COL7A1: variants seen among roughly 807,000 people sequenced by gnomAD.
COL7A1 encodes collagen alpha-1(VII) chain.
In COL7A1, 296 loss-of-function variants were observed where a neutral mutation model predicts 456.2. The ratio of observed to expected loss-of-function variants is 0.65; its 90% CI spans 0.59 to 0.71. The LOEUF is 0.71. COL7A1 is among the 30% of genes least tolerant of loss of function. The pLI, the probability that COL7A1 is intolerant of heterozygous loss-of-function variation, is 0.00. For synonymous variants in COL7A1, 1,464 were observed against 1,525.9 expected, an observed-to-expected ratio of 0.96 and a Z score of 0.95; for missense variants, 3,441 against 4,017.2, an observed-to-expected ratio of 0.86 and a Z score of 3.88.
Position 48,566,316 on chromosome 3 carries a change from C to A in COL7A1, c.8359-1G>T. On this transcript the variant is annotated splice_acceptor_variant, in intron 113 of 118. Coordinates refer to ENST00000681320, the MANE Select transcript of COL7A1 (RefSeq NM_000094.4). LOFTEE classifies it high-confidence loss of function. The surrounding 1 kb of genome is among the most constrained non-coding windows in gnomAD (Gnocchi z 5.9). ...GCACAAAGCCCCGGATGTCATCCTC[C>A]TGGGAGCAGAAGACCACAGGGACCA... 6.2e-7 allele frequency: 1 copy of A among 1,604,960 alleles called. No individual in the cohort carries two copies. Among genetic ancestry groups the A allele is most frequent in the Non-Finnish European group, 8.5e-7 (1 of 1,176,246 alleles).
In COL7A1 at chr3:48,588,372, G is replaced by A; in HGVS notation, c.2620C>T (p.His874Tyr). 6.2e-7 allele frequency: 1 copy of A among 1,612,058 alleles called. No individual in the cohort carries two copies. Among genetic ancestry groups the A allele is most frequent in the Non-Finnish European group, 8.5e-7 (1 of 1,179,898 alleles). ...GAGTGCTCCCCGCGCTGCACCACGT[G>A]AAGCGTCCCCAGGGCTGGCGGAGCC... is the stretch of plus-strand genomic sequence containing the variant. ...PEAPPALGTL[H>Y]VVQRGEHSLR... is the part of the protein sequence containing the mutation. Residue 874 changes from histidine to tyrosine, a missense_variant, in exon 21 of 119, where the codon CAC becomes TAC. By Grantham distance (83) the His-to-Tyr change is moderately conservative. Coordinates refer to ENST00000681320, the MANE Select transcript of COL7A1 (RefSeq NM_000094.4). The surrounding 1 kb of genome is among the most constrained non-coding windows in gnomAD (Gnocchi z 4.6).
Position 48,594,525 on chromosome 3 carries a change from C to T in COL7A1, c.109G>A (p.Ala37Thr). 6 of 1,608,828 alleles carry T rather than the reference C, an allele frequency of 3.7e-6. No individual in the cohort carries two copies. The highest frequency in any genetic ancestry group is 3.4e-5 in the Admixed American group (2 of 59,500). ...CCATCCAGTAAGAACACAATGTCAG[C>T]GGCGTAAAGGCGCGTGCAGGTCACT... is the stretch of plus-strand genomic sequence containing the variant. ...ERVTCTRLYAADIVFLLDGSS... is the reference protein window; with the variant it reads ...ERVTCTRLYATDIVFLLDGSS... Residue 37 changes from alanine to threonine, a missense_variant, in exon 3 of 119, where the codon GCT (alanine) becomes ACT (threonine). By Grantham distance (58) the Ala-to-Thr change is moderately conservative. This residue lies in a region of COL7A1 where 913 missense variants were observed against 1,088.2 expected (regional missense o/e 0.84). Transcript: ENST00000681320. The surrounding 1 kb of genome is among the most constrained non-coding windows in gnomAD (Gnocchi z 5.5).
rs779763870 is a variant in COL7A1 at position 48,590,943 on chromosome 3, C to A, written c.1637-127G>T. The A allele has an allele frequency of 6.9e-5, 70 of 1,012,844 alleles. No homozygotes were observed. Among genetic ancestry groups the A allele is most frequent in the Non-Finnish European group, 9.9e-5 (66 of 667,886 alleles). The allele number at this position is 1,012,844 out of a possible 1,614,324, so 62.7% of individuals were successfully genotyped here. On this transcript the variant is annotated intron_variant, in intron 13 of 118. Coordinates refer to ENST00000681320, the MANE Select transcript of COL7A1 (RefSeq NM_000094.4). The surrounding 1 kb of genome is among the most constrained non-coding windows in gnomAD (Gnocchi z 4.6). Reference sequence around the variant, plus strand: ...GGTGGGGATGTGGGGTGGTGGGGACCAGAGAGCTGGGATATGGCTGAAAAA... The same window carrying A: ...GGTGGGGATGTGGGGTGGTGGGGACAAGAGAGCTGGGATATGGCTGAAAAA...
rs757739145 is a variant in COL7A1 at position 48,573,671 on chromosome 3, G to A, written c.6573+19C>T. 3.7e-6 allele frequency: 6 copies of A among 1,612,632 alleles called. No individual in the cohort carries two copies. In the South Asian group the frequency reaches 5.5e-5, roughly 15 times the overall value. On this transcript the variant is annotated intron_variant, in intron 82 of 118. Transcript: ENST00000681320. This position sits in a 1 kb window ranked among gnomAD's most constrained non-coding sequence, Gnocchi z 5.5. ...AGCCCTTCCAGACCCTCACCAGGCA[G>A]TGTTCCCTGGTCACTCACCGGGGCA...
chr3:48,588,664 A>C lies in COL7A1; in HGVS notation c.2565T>G (p.Pro855=), dbSNP rs2045468748. 6.2e-7 allele frequency: 1 copy of C among 1,613,760 alleles called. No homozygotes were observed. ...TACGCGTAGTGACAACAATGGAGAC[A>C]GGTGTGCCCTCGCGGTCCCCGACAA... ...TALVGDREGT[P]VSIVVTTPPE... is the part of the protein sequence containing the mutation. The change falls in exon 20 of 119, where the codon CCT becomes CCG. Residue 855 remains proline, a synonymous_variant. Transcript: ENST00000681320. The surrounding 1 kb of genome is among the most constrained non-coding windows in gnomAD (Gnocchi z 4.6).
At position 48,573,635 on chromosome 3, in the gene COL7A1, A is replaced by G; in HGVS notation, c.6573+55T>C. 3 of 1,613,270 alleles carry G rather than the reference A, an allele frequency of 1.9e-6. No homozygotes were observed. Among genetic ancestry groups the G allele is most frequent in the Non-Finnish European group, 1.7e-6 (2 of 1,179,578 alleles). On this transcript the variant is annotated intron_variant, in intron 82 of 118. Transcript: ENST00000681320. The surrounding 1 kb of genome is among the most constrained non-coding windows in gnomAD (Gnocchi z 5.5). Reference sequence around the variant, plus strand: ...AGGCCTGGCTCATCAGCTGTGGCCAATGCCTATCCCAGCCCTTCCAGACCC... The same window carrying G: ...AGGCCTGGCTCATCAGCTGTGGCCAGTGCCTATCCCAGCCCTTCCAGACCC...
chr3:48,583,202 A>C lies in COL7A1; in HGVS notation c.4438-31T>G, dbSNP rs375663380. ...GAGAGAGGGTGAGAGAAAGACAGAG[A>C]GAGAGAGGGTTGGTGGCGGGGCTTG... On this transcript the variant is annotated intron_variant, in intron 42 of 118. Coordinates refer to ENST00000681320, the MANE Select transcript of COL7A1 (RefSeq NM_000094.4). The surrounding 1 kb of genome is among the most constrained non-coding windows in gnomAD (Gnocchi z 5.1). 5 of 1,613,106 alleles carry C rather than the reference A, an allele frequency of 3.1e-6. No individual in the cohort carries two copies. Among genetic ancestry groups the C allele is most frequent in the Non-Finnish European group, 4.2e-6 (5 of 1,179,690 alleles).
At position 48,587,500 on chromosome 3, in the gene COL7A1, G is replaced by A. The variant is rs374082591; in HGVS notation, c.2912C>T (p.Ser971Leu). Residue 971 changes from serine to leucine, a missense_variant, in exon 23 of 119, where the codon TCG becomes TTG. Around this residue, in one of 3 missense-constraint regions of COL7A1, gnomAD observed 444 missense variants for 427.6 expected, o/e 1.04. Transcript: ENST00000681320. This position sits in a 1 kb window ranked among gnomAD's most constrained non-coding sequence, Gnocchi z 6.1. ...ELRVVDTSID[S>L]VTLAWTPVSR... ...CACTGGAGTCCAGGCCAAAGTCACC[G>A]AGTCGATCGAGGTGTCCACCACACG... 2.3e-5 allele frequency: 37 copies of A among 1,613,288 alleles called. No homozygotes were observed. Among genetic ancestry groups the A allele is most frequent in the Middle Eastern group, 1.6e-4 (1 of 6,084 alleles).
chr3:48,592,923 G>A lies in COL7A1; in HGVS notation c.698C>T (p.Ser233Phe). 6.2e-7 allele frequency: 1 copy of A among 1,613,936 alleles called. No homozygotes were observed. Among genetic ancestry groups the A allele is most frequent in the Non-Finnish European group, 8.5e-7 (1 of 1,180,006 alleles). Residue 233 changes from serine to phenylalanine, a missense_variant, in exon 7 of 119, where the codon TCT becomes TTT. Physicochemically the swap from Ser to Phe is radical, Grantham distance 155 (BLOSUM62 -2). Coordinates refer to ENST00000681320, the MANE Select transcript of COL7A1 (RefSeq NM_000094.4). The surrounding 1 kb of genome is among the most constrained non-coding windows in gnomAD (Gnocchi z 7.6). ...PVTRPPDDST[S>F]APRDLVLSEP... is the part of the protein sequence containing the mutation. ...AGACAGCACCAGGTCTCGTGGAGCAGAGGTCGAGTCATCCGCTGGGAATGC... is the reference window on the plus strand; with the variant it reads ...AGACAGCACCAGGTCTCGTGGAGCAAAGGTCGAGTCATCCGCTGGGAATGC...
rs754865301 is a variant in COL7A1, at chr3:48,574,629, C to A, written c.6393+48G>T. 11 of 1,613,692 alleles carry A rather than the reference C, an allele frequency of 6.8e-6. No individual in the cohort carries two copies. The East Asian group carries it at 2.2e-4, about 33-fold the overall frequency. Reference sequence around the variant, plus strand: ...GCATATGCACACCACCTCTAGTGTGCCCCCAGAAAGGAGGGGGACTCTATG... The same window carrying A: ...GCATATGCACACCACCTCTAGTGTGACCCCAGAAAGGAGGGGGACTCTATG... On this transcript the variant is annotated intron_variant, in intron 78 of 118. Transcript: ENST00000681320. This position sits in a 1 kb window ranked among gnomAD's most constrained non-coding sequence, Gnocchi z 5.0.
At position 48,575,754 on chromosome 3, in the gene COL7A1, G is replaced by C. The variant is rs1182879423; in HGVS notation, c.5857-6C>G. The C allele has an allele frequency of 6.2e-7, 1 of 1,613,930 alleles. No homozygotes were observed. The highest frequency in any genetic ancestry group is 8.5e-7 in the Non-Finnish European group (1 of 1,180,028). On this transcript the variant is annotated splice_polypyrimidine_tract_variant and splice_region_variant and intron_variant, in intron 72 of 118. Coordinates refer to ENST00000681320, the MANE Select transcript of COL7A1 (RefSeq NM_000094.4). This position sits in a 1 kb window ranked among gnomAD's most constrained non-coding sequence, Gnocchi z 6.3. ...ATCTCCCGCAGGGCAGATGCCTGAG[G>C]GACAGCAAGAGGTCAGAGGAGCGGG...
Position 48,570,290 on chromosome 3 carries a change from C to T in COL7A1, c.7425G>A (p.Gly2475=), listed in dbSNP as rs267599856. 4 of 1,614,070 alleles carry T rather than the reference C, an allele frequency of 2.5e-6. No individual in the cohort carries two copies. In the Admixed American group the frequency reaches 5.0e-5, roughly 20 times the overall value. Residue 2475 remains glycine, a synonymous_variant, in exon 98 of 119, where the codon GGG becomes GGA. Coordinates refer to ENST00000681320, the MANE Select transcript of COL7A1 (RefSeq NM_000094.4). The surrounding 1 kb of genome is among the most constrained non-coding windows in gnomAD (Gnocchi z 5.5). ...ACATACGTACCCGGATGCCTGGCTC[C>T]CCACGCTCGCCTCGGGGCCCAGGCA... is the stretch of plus-strand genomic sequence containing the variant. The part of the protein sequence containing the change: ...VGLPGPRGER[G]EPGIRGEDGR...
In COL7A1 at chr3:48,574,544, G is replaced by A. The variant is rs148638156; in HGVS notation, c.6400C>T (p.Pro2134Ser). Reference protein sequence around the residue: ...DQGPKGDRGVPGIKGDRGEPG... With the variant: ...DQGPKGDRGVSGIKGDRGEPG... ...TCTCCCCGGTCTCCTTTGATGCCTG[G>A]CACACCCTGAAGGCAGAGTGTCGTG... The change falls in exon 79 of 119, where the codon CCA (proline) becomes TCA (serine). Residue 2134 changes from proline (P) to serine (S), a missense_variant. Pro to Ser is a moderately conservative substitution (Grantham distance 74, BLOSUM62 -1). Around this residue, in one of 3 missense-constraint regions of COL7A1, gnomAD observed 2,084 missense variants for 2,501.3 expected, o/e 0.83. Transcript: ENST00000681320. This position sits in a 1 kb window ranked among gnomAD's most constrained non-coding sequence, Gnocchi z 5.0. The A allele has an allele frequency of 5.0e-5, 80 of 1,613,914 alleles. No individual in the cohort carries two copies. The African/African-American group carries it at 8.9e-4, about 18-fold the overall frequency.
Position 48,579,948 on chromosome 3 carries a change from T to C in COL7A1, c.5124+83A>G, listed in dbSNP as rs1308401335. On this transcript the variant is annotated intron_variant, in intron 57 of 118. Coordinates refer to ENST00000681320, the MANE Select transcript of COL7A1 (RefSeq NM_000094.4). The surrounding 1 kb of genome is among the most constrained non-coding windows in gnomAD (Gnocchi z 4.4). Reference sequence around the variant, plus strand: ...GGACAGTGGGGGAAGTGGGAGTTAGTGGAAGGAATGAGGGGACATGATGTG... The same window carrying C: ...GGACAGTGGGGGAAGTGGGAGTTAGCGGAAGGAATGAGGGGACATGATGTG... 6.2e-7 allele frequency: 1 copy of C among 1,606,572 alleles called. No individual in the cohort carries two copies. Among genetic ancestry groups the C allele is most frequent in the African/African-American group, 1.3e-5 (1 of 74,568 alleles).
At position 48,594,472 on chromosome 3, in the gene COL7A1, G is replaced by A; in HGVS notation, c.162C>T (p.Phe54=). Residue 54 remains phenylalanine, a synonymous_variant, in exon 3 of 119, where the codon TTC becomes TTT. Coordinates refer to ENST00000681320, the MANE Select transcript of COL7A1 (RefSeq NM_000094.4). The surrounding 1 kb of genome is among the most constrained non-coding windows in gnomAD (Gnocchi z 5.5). ...CTTCGAGAAAGCTGCGGACCTCGCGGAAATTGCTGCGGCCAATGGATGAGG... is the reference window on the plus strand; with the variant it reads ...CTTCGAGAAAGCTGCGGACCTCGCGAAAATTGCTGCGGCCAATGGATGAGG... ...DGSSSIGRSN[F]REVRSFLEGL... 1 of 1,612,396 alleles carries A rather than the reference G, an allele frequency of 6.2e-7. No individual in the cohort carries two copies. Among genetic ancestry groups the A allele is most frequent in the South Asian group, 1.1e-5 (1 of 91,004 alleles).
In COL7A1 at chr3:48,574,408, C is replaced by T; in HGVS notation, c.6456+80G>A. ...AGGACCCAGACAGTCCCAGGCAGTA[C>T]AGACCCCAGCCCTGCACACAGGACA... is the stretch of plus-strand genomic sequence containing the variant. On this transcript the variant is annotated intron_variant, in intron 79 of 118. Coordinates refer to ENST00000681320, the MANE Select transcript of COL7A1 (RefSeq NM_000094.4). The surrounding 1 kb of genome is among the most constrained non-coding windows in gnomAD (Gnocchi z 5.0). 6.2e-7 allele frequency: 1 copy of T among 1,612,954 alleles called. No homozygotes were observed. Among genetic ancestry groups the T allele is most frequent in the Non-Finnish European group, 8.5e-7 (1 of 1,179,060 alleles).
At position 48,571,305 on chromosome 3, in the gene COL7A1, G is replaced by C; in HGVS notation, c.7069-27C>G. On this transcript the variant is annotated intron_variant, in intron 92 of 118. Coordinates refer to ENST00000681320, the MANE Select transcript of COL7A1 (RefSeq NM_000094.4). This position sits in a 1 kb window ranked among gnomAD's most constrained non-coding sequence, Gnocchi z 4.6. ...TAAGAAAACCCAGCAAACAGCATTT[G>C]AGAGGGTAGGAACATGAGCACAGAG... is the stretch of plus-strand genomic sequence containing the variant. The C allele has an allele frequency of 6.2e-7, 1 of 1,613,942 alleles. No homozygotes were observed. The highest frequency in any genetic ancestry group is 8.5e-7 in the Non-Finnish European group (1 of 1,179,870).
intron 65 of COL7A1, 51 bp from the exon 66 acceptor site, chr3:48,577,078 C>A: frequency 6.2e-7 from 1 of 1,607,610 alleles, no homozygotes. Context: ...TGTCTGGCTG[C>A]AAGACACTAC....
chr3:48,581,945 T>C lies in COL7A1; in HGVS notation c.4636-2A>G. 6.2e-7 allele frequency: 1 copy of C among 1,613,980 alleles called. No homozygotes were observed. Among genetic ancestry groups the C allele is most frequent in the Non-Finnish European group, 8.5e-7 (1 of 1,180,034 alleles). On this transcript the variant is annotated splice_acceptor_variant, in intron 47 of 118. Coordinates refer to ENST00000681320, the MANE Select transcript of COL7A1 (RefSeq NM_000094.4). LOFTEE classifies it high-confidence loss of function. This position sits in a 1 kb window ranked among gnomAD's most constrained non-coding sequence, Gnocchi z 5.8. ...TTTGGGTCCAGCAACAGCAGGTCCC[T>C]GAAAACAAACAGGACAGATACAGCT... is the stretch of plus-strand genomic sequence containing the variant.
Sources: allele counts gnomAD v4.1 joint callset, GRCh38; gene constraint gnomAD v4.1.1; regional missense constraint gnomAD v4.1.1; non-coding constraint Gnocchi (gnomAD v3.1); transcripts MANE v1.5; gene names NCBI Gene and HGNC (gene_info 2026-07-23, HGNC 2026-07-21).